FILIP1: variants seen among roughly 807,000 people sequenced by gnomAD.
The protein encoded by FILIP1 is filamin A interacting protein 1.
FILIP1 carries 61 observed loss-of-function variants against 102.1 expected under a neutral mutation model. That is an observed-to-expected ratio of 0.60 (90% CI 0.49 to 0.74). The LOEUF (loss-of-function observed/expected upper bound fraction) is 0.74. Ranked by LOEUF, FILIP1 falls within the 30% of genes least tolerant of loss-of-function variation. FILIP1 has a pLI of 0.00. For missense variants in FILIP1, 1,314 were observed against 1,441.2 expected (o/e 0.91, Z 1.43); for synonymous variants, 491 against 526.9 (o/e 0.93, Z 0.93).
At chr6:75,315,739 T>C (rs1310607328) in intron 4 of FILIP1, among the ~76,000 whole-genome samples, 1 of 152,246 alleles carries the variant, frequency 6.6e-6, no homozygotes, top group African/African-American at 2.4e-5. Flanking sequence ...AGTCAGTAAG[T>C]GGCAGGGCTG....
intron 4 of FILIP1, among the ~76,000 whole-genome samples, chr6:75,318,459 C>G (rs1773520580): frequency 2.0e-5 from 3 of 151,948 alleles, no homozygotes; most frequent in Admixed American, 6.6e-5. Flanking sequence ...TGGTATTGAA[C>G]TGCTGGTGTC....
At chr6:75,332,974 A>G (rs918948982) in intron 4 of FILIP1, among the ~76,000 whole-genome samples, 6 of 152,194 alleles carry the variant, frequency 3.9e-5, no homozygotes, top group African/African-American at 1.4e-4. Flanking sequence ...TCACAACATA[A>G]AAGTATTTTA....
intron 2 of FILIP1, among the ~76,000 whole-genome samples, chr6:75,376,816 A>G (rs548576876): frequency 3.3e-5 from 5 of 152,262 alleles, no homozygotes; most frequent in Non-Finnish European, 7.4e-5. Context: ...ACTCTGTGTC[A>G]GCTTGTGCCA....
chr6:75,334,164 G>T (rs1385524207), intron 4 of FILIP1, among the ~76,000 whole-genome samples: 1 of 152,172 alleles, frequency 6.6e-6, no homozygotes, highest in African/African-American at 2.4e-5. Context: ...TACATTTACA[G>T]TATATAGAAA....
intron 1 of FILIP1, among the ~76,000 whole-genome samples, chr6:75,447,927 A>C (rs1778492849): frequency 6.6e-6 from 1 of 152,154 alleles, no homozygotes; most frequent in African/African-American, 2.4e-5. Context: ...TATAGAAGAA[A>C]GGGAATTTCT....
chr6:75,443,550 T>C (rs1328157074), intron 1 of FILIP1, among the ~76,000 whole-genome samples: 13 of 152,188 alleles, frequency 8.5e-5, no homozygotes, highest in Admixed American at 6.5e-4. Context: ...TTGTACCTCA[T>C]TGGAGGTTGC....
chr6:75,459,072 T>C (rs1778934513), intron 1 of FILIP1, among the ~76,000 whole-genome samples: 1 of 152,220 alleles, frequency 6.6e-6, no homozygotes. Context: ...AAGGTTTGCC[T>C]GGAGGCCCCA....
At chr6:75,350,723 T>G (rs1774767943) in intron 4 of FILIP1, among the ~76,000 whole-genome samples, 1 of 152,232 alleles carries the variant, frequency 6.6e-6, no homozygotes, top group African/African-American at 2.4e-5. Context: ...GCCTACACAC[T>G]TTTATTAAAC....
At chr6:75,324,240 T>C (rs1773758257) in intron 4 of FILIP1, among the ~76,000 whole-genome samples, 1 of 149,050 alleles carries the variant, frequency 6.7e-6, no homozygotes, top group Admixed American at 6.9e-5. Context: ...AGCACTGCTA[T>C]ACACCAACAG....
In FILIP1 at chr6:75,414,946, T is replaced by C. The variant is rs756950791; in HGVS notation, c.27A>G (p.Glu9=). 6.2e-7 allele frequency: 1 copy of C among 1,613,710 alleles called. No individual in the cohort carries two copies. The highest frequency in any genetic ancestry group is 8.5e-7 in the Non-Finnish European group (1 of 1,179,726). The change falls in exon 2 of 6, where the codon GAA becomes GAG. Residue 9 remains glutamate (E), a synonymous_variant. Transcript: ENST00000237172. The part of the protein sequence containing the change: MRSRNQGG[E]SASDGHISCP... ...AGGAGATATGCCCATCAGATGCACT[T>C]TCACCACCTTGGTTTCGAGATCTCA...
rs373881979 is a variant in FILIP1 at position 75,372,713 on chromosome 6, G to GA, written c.277-9797_277-9796insT. 8.2e-3 allele frequency among the ~76,000 whole-genome samples: 276 copies of GA among 33,804 alleles called. 2 individuals carry two copies. The highest frequency in any genetic ancestry group is 0.014 in the Middle Eastern group (1 of 74). The allele number at this position is 33,804 out of a possible 152,430, so 22.2% of individuals were successfully genotyped here. On this transcript the variant is annotated intron_variant, in intron 2 of 5. Transcript: ENST00000237172. ...AAAGAAAGAGAAAGAAAGAAAGAAA[G>GA]GAAAGAAAGAGAAAGAGAAAGAAAG...
rs1462561670 is a variant in FILIP1 at position 75,410,202 on chromosome 6, T to C, written c.276+4495A>G. ...TAAAGAGAGAGCAATAGGTGGTCTT[T>C]GGAGATCTGGGAGACAACTCACTAA... On this transcript the variant is annotated intron_variant, in intron 2 of 5. Transcript: ENST00000237172. Among the ~76,000 whole-genome samples the C allele has an allele frequency of 2.0e-5, 3 of 152,118 alleles. No homozygotes were observed. In the South Asian group the frequency reaches 6.2e-4, roughly 32 times the overall value.
chr6:75,330,631 T>C lies in FILIP1; in HGVS notation c.630-15429A>G, dbSNP rs77143904. 3.1e-3 allele frequency among the ~76,000 whole-genome samples: 478 copies of C among 152,318 alleles called. 1 individual carries two copies. The highest frequency in any genetic ancestry group is 0.011 in the African/African-American group (459 of 41,572). ...GAAGATCCTGTAGTTATATTTATGATTTTAAGCTATAAAACTATTATACAT... is the reference window on the plus strand; with the variant it reads ...GAAGATCCTGTAGTTATATTTATGACTTTAAGCTATAAAACTATTATACAT... On this transcript the variant is annotated intron_variant, in intron 4 of 5. Coordinates refer to ENST00000237172, the MANE Select transcript of FILIP1 (RefSeq NM_015687.5).
intron 1 of FILIP1, among the ~76,000 whole-genome samples, chr6:75,455,941 G>T (rs186205852): frequency 7.9e-5 from 12 of 152,224 alleles, no homozygotes; most frequent in Non-Finnish European, 1.5e-4. Flanking sequence ...AAACTCATCT[G>T]CTTACTCTAC....
chr6:75,344,157 T>TTTTG (rs1562482157), intron 4 of FILIP1, among the ~76,000 whole-genome samples: 2 of 152,190 alleles, frequency 1.3e-5, no homozygotes, highest in Non-Finnish European at 2.9e-5. Context: ...GGTGTGGTTT[T>TTTTG]TTTGTTTGTT....
intron 1 of FILIP1, among the ~76,000 whole-genome samples, chr6:75,433,715 G>A (rs1777910367): frequency 6.6e-6 from 1 of 152,122 alleles, no homozygotes; most frequent in South Asian, 2.1e-4. Flanking sequence ...TGTCAATTTT[G>A]GCTTTTATTG....
chr6:75,353,430 G>A (rs1304299619), intron 4 of FILIP1, 109 bp downstream of exon 4: 1 of 1,165,334 alleles, frequency 8.6e-7, no homozygotes, highest in Non-Finnish European at 1.2e-6. Context: ...TTAGACCCTG[G>A]GCACCTGTCC....
chr6:75,297,228 T>C (rs937424093), intron 6 of FILIP1, among the ~76,000 whole-genome samples: 3 of 152,202 alleles, frequency 2.0e-5, no homozygotes, highest in Middle Eastern at 3.2e-3. Flanking sequence ...TAAGTTTTAT[T>C]TTTACTTATG....
intron 4 of FILIP1, among the ~76,000 whole-genome samples, chr6:75,324,072 T>C (rs1219353193): frequency 1.3e-5 from 2 of 152,278 alleles, no homozygotes; most frequent in East Asian, 3.9e-4. Flanking sequence ...TTTGTAGCAG[T>C]GTGAAAATGG....
Sources: allele counts gnomAD v4.1 joint callset (sites outside exome capture counted in the v4.1 genomes callset), GRCh38; gene constraint gnomAD v4.1.1; transcripts MANE v1.5; gene names NCBI Gene and HGNC (gene_info 2026-07-23, HGNC 2026-07-21).